Variants in UTY observed in about 807,000 individuals in gnomAD.
UTY encodes ubiquitously transcribed tetratricopeptide repeat containing, Y-linked, also known as histone demethylase UTY.
A neutral mutation model predicts 32.5 loss-of-function variants in UTY; 12 were observed. The observed-to-expected ratio is 0.37, with a 90% CI of 0.24 to 0.60. The LOEUF (loss-of-function observed/expected upper bound fraction) is 0.60, where lower values mean the gene tolerates loss of function less well. Among genes scored for constraint, UTY ranks in the 20% least tolerant of loss-of-function variants. The probability of loss-of-function intolerance (pLI) is 0.69; values close to 1 mark genes in which losing one functional copy is unlikely to be tolerated. For missense variants in UTY, 303 were observed against 299.2 expected (o/e 1.01, Z -0.09); for synonymous variants, 131 against 103.4 (o/e 1.27, Z -1.62).
intron 21 of UTY, among the ~76,000 whole-genome samples, chrY:13,310,995 G>A (rs760299186): frequency 3.2e-5 from 1 of 31,451 alleles, no homozygotes; most frequent in South Asian, 7.3e-4. Flanking sequence ...GGCTGAGGCA[G>A]GTGAATGGCA....
At chrY:13,446,516 G>T in intron 4 of UTY, among the ~76,000 whole-genome samples, 1 of 29,728 alleles carries the variant, frequency 3.4e-5, no homozygotes, top group Non-Finnish European at 8.0e-5. Context: ...GATTGCTTGA[G>T]CCCAGAAGTT....
intron 3 of UTY, among the ~76,000 whole-genome samples, chrY:13,467,261 T>TA (rs2077997943): frequency 3.0e-5 from 1 of 33,868 alleles, no homozygotes; most frequent in Non-Finnish European, 7.3e-5. Context: ...ATCAAGAACT[T>TA]AAATGTCAGC....
At chrY:13,365,750 G>A (rs2064082182) in intron 10 of UTY, among the ~76,000 whole-genome samples, 1 of 32,900 alleles carries the variant, frequency 3.0e-5, no homozygotes, top group South Asian at 6.6e-4. Flanking sequence ...ATGTAGGTTC[G>A]AAGAGCTATA....
intron 3 of UTY, among the ~76,000 whole-genome samples, chrY:13,454,605 A>T (rs759425164): frequency 3.7e-4 from 12 of 32,275 alleles, no homozygotes; most frequent in African/African-American, 1.5e-3. Flanking sequence ...CTAAAATAAC[A>T]TTTCAATGAA....
intron 28 of UTY, among the ~76,000 whole-genome samples, chrY:13,259,279 C>A (rs1030135102): frequency 2.9e-5 from 1 of 34,311 alleles, no homozygotes; most frequent in Admixed American, 2.6e-4. Context: ...TGATTTCCCA[C>A]TTCACATCTC....
chrY:13,266,182 A>G, intron 27 of UTY, among the ~76,000 whole-genome samples: 1 of 32,801 alleles, frequency 3.0e-5, no homozygotes, highest in East Asian at 7.9e-4. Context: ...TACTGCCTCA[A>G]TTTCAGAACT....
At chrY:13,341,282 T>C (rs2061464317) in intron 17 of UTY, among the ~76,000 whole-genome samples, 1 of 32,945 alleles carries the variant, frequency 3.0e-5, no homozygotes, top group African/African-American at 1.2e-4. Flanking sequence ...TAAATCAGGA[T>C]GAGGAGGCCA....
At chrY:13,339,267 A>T (rs540985094) in intron 17 of UTY, among the ~76,000 whole-genome samples, 82 of 33,470 alleles carry the variant, frequency 2.4e-3, no homozygotes, top group African/African-American at 8.7e-3. Context: ...CTCCTTTGCC[A>T]GTGGGCTAGA....
At chrY:13,408,289 GA>G (rs750188953) in intron 6 of UTY, among the ~76,000 whole-genome samples, 87 of 28,375 alleles carry the variant, frequency 3.1e-3, no homozygotes, top group African/African-American at 0.011. Flanking sequence ...ATGAAAATAT[GA>G]AAAAAAAAAG....
chrY:13,404,111 T>C (rs1011300801), intron 6 of UTY, among the ~76,000 whole-genome samples: 9 of 32,695 alleles, frequency 2.8e-4, no homozygotes, highest in Non-Finnish European at 6.0e-4. Context: ...TAAACAAACA[T>C]AATCCCTCCA....
intron 8 of UTY, among the ~76,000 whole-genome samples, chrY:13,388,275 G>A (rs2149478491): frequency 2.9e-5 from 1 of 34,162 alleles, no homozygotes; most frequent in South Asian, 6.5e-4. Context: ...ACTGCATGTT[G>A]CATGCAAATA....
At chrY:13,406,381 G>C (rs769984628) in intron 6 of UTY, among the ~76,000 whole-genome samples, 1 of 32,307 alleles carries the variant, frequency 3.1e-5, no homozygotes, top group Admixed American at 2.8e-4. Context: ...AATGCTTCAA[G>C]AGTAATAAAA....
At chrY:13,285,382 GA>G (rs2057297258) in intron 27 of UTY, among the ~76,000 whole-genome samples, 1 of 33,952 alleles carries the variant, frequency 2.9e-5, no homozygotes, top group Non-Finnish European at 7.3e-5. Flanking sequence ...CATCTATTTA[GA>G]TGCAATTAGA....
chrY:13,274,274 C>T (rs980918721), intron 27 of UTY, among the ~76,000 whole-genome samples: 4 of 32,932 alleles, frequency 1.2e-4, no homozygotes, highest in Admixed American at 5.6e-4. Flanking sequence ...CCCTAGCCCC[C>T]GACTCCTTGA....
At position 13,360,465 on chromosome Y, in the gene UTY, T is replaced by G. The variant is rs372440380; in HGVS notation, c.930A>C (p.Lys310Asn). Residue 310 changes from lysine to asparagine, a missense_variant, in exon 11 of 30, where the codon AAA (lysine) becomes AAC (asparagine). Transcript: ENST00000545955. ...AFISYRQSIDKSEASADTWCS... is the reference protein window; with the variant it reads ...AFISYRQSIDNSEASADTWCS... The stretch of plus-strand genomic sequence containing the variant: ...ACCATGTATCTGCACTTGCTTCTGA[T>G]TTATCAATAGATTGCCTGTAAGATA... 5.0e-6 allele frequency: 2 copies of G among 398,106 alleles called. No individual in the cohort carries two copies. The highest frequency in any genetic ancestry group is 7.1e-6 in the Non-Finnish European group (2 of 283,277).
chrY:13,344,706 G>C (rs2061769754), intron 17 of UTY, among the ~76,000 whole-genome samples: 2 of 33,626 alleles, frequency 5.9e-5, no homozygotes, highest in Admixed American at 2.7e-4. Flanking sequence ...AAATCAAATG[G>C]AATCTGCATA....
intron 15 of UTY, among the ~76,000 whole-genome samples, chrY:13,356,396 C>A (rs2062925850): frequency 3.3e-5 from 1 of 30,524 alleles, no homozygotes; most frequent in Non-Finnish European, 8.0e-5. Flanking sequence ...ACCTTGTGAT[C>A]CGCCTGCCTT....
At chrY:13,401,863 C>T in intron 6 of UTY, among the ~76,000 whole-genome samples, 1 of 32,618 alleles carries the variant, frequency 3.1e-5, no homozygotes, top group Non-Finnish European at 7.5e-5. Context: ...AAAACCAAGA[C>T]TCCGTCTCAA....
intron 8 of UTY, among the ~76,000 whole-genome samples, chrY:13,379,965 AAT>A (rs2065859644): frequency 8.9e-5 from 1 of 11,244 alleles, no homozygotes; most frequent in Admixed American, 1.1e-3. Context: ...TGTGTATATA[AAT>A]ATATATATAT....
Sources: gnomAD v4.1 joint callset for allele counts (sites outside exome capture counted in the v4.1 genomes callset) on GRCh38, gnomAD v4.1.1 for gene constraint, MANE v1.5 for transcripts, NCBI Gene and HGNC (gene_info 2026-07-23, HGNC 2026-07-21) for gene names.